GRAMD4: variants seen among roughly 807,000 people sequenced by gnomAD.
GRAMD4 encodes the protein GRAM domain containing 4.
GRAMD4 carries 25 observed loss-of-function variants against 83.9 expected under a neutral mutation model. That is an observed-to-expected ratio of 0.30 (90% CI 0.22 to 0.42). GRAMD4 has a LOEUF of 0.42. Ranked by LOEUF, GRAMD4 falls within the 10% of genes least tolerant of loss-of-function variation. The probability of loss-of-function intolerance (pLI) is 1.00; values close to 1 mark genes in which losing one functional copy is unlikely to be tolerated. For synonymous variants in GRAMD4, 336 were observed against 320.9 expected (o/e 1.05, Z -0.50); for missense variants, 593 against 788.7 (o/e 0.75, Z 2.97).
At chr22:46,590,398 G>A (rs2081195073) in intron 1 of GRAMD4, among the ~76,000 whole-genome samples, 1 of 152,222 alleles carries the variant, frequency 6.6e-6, no homozygotes, top group Non-Finnish European at 1.5e-5. Flanking sequence ...GCAGAGAGCT[G>A]AGAAGGTGCC....
rs140371738 is a variant in GRAMD4 at position 46,661,849 on chromosome 22, G to C, written c.466+407G>C. ...GTGGGCAGTGGGGCTATGGTTGGCT[G>C]TGAGTGGGGAGTTGGGGGTTCATGT... On this transcript the variant is annotated intron_variant, in intron 5 of 18. Transcript: ENST00000406902. Among the ~76,000 whole-genome samples the C allele has an allele frequency of 6.0e-4, 91 of 152,334 alleles. No individual in the cohort carries two copies. The East Asian group carries it at 0.015, about 25-fold the overall frequency.
At chr22:46,661,932 C>T (rs1318703068) in intron 5 of GRAMD4, among the ~76,000 whole-genome samples, 1 of 152,220 alleles carries the variant, frequency 6.6e-6, no homozygotes. Flanking sequence ...TATCTTGCCC[C>T]ACGCCCTGCA....
chr22:46,668,470 C>T (rs2082446232), intron 11 of GRAMD4, among the ~76,000 whole-genome samples: 1 of 152,120 alleles, frequency 6.6e-6, no homozygotes, highest in Non-Finnish European at 1.5e-5. Context: ...GTTGAACGCC[C>T]CTGGGAAGGA....
chr22:46,615,564 C>T (rs375514720), upstream of GRAMD4, among the ~76,000 whole-genome samples: 338 of 83,146 alleles, frequency 4.1e-3, 2 homozygotes, highest in African/African-American at 0.013. Context: ...TTCCCCTGTG[C>T]GTGTAGGTTC....
At chr22:46,648,791 G>C (rs952834789) in intron 3 of GRAMD4, among the ~76,000 whole-genome samples, 72 of 130,178 alleles carry the variant, frequency 5.5e-4, no homozygotes, top group African/African-American at 1.9e-3. Context: ...TGGATGGATG[G>C]ATGGATGGAT....
intron 1 of GRAMD4, among the ~76,000 whole-genome samples, chr22:46,584,208 G>C (rs1261732058): frequency 6.6e-6 from 1 of 152,106 alleles, no homozygotes; most frequent in Non-Finnish European, 1.5e-5. Flanking sequence ...CCTAGAGTCA[G>C]CCCCTTCTGC....
chr22:46,611,949 A>T (rs2081421203), intron 1 of GRAMD4, among the ~76,000 whole-genome samples: 2 of 138,638 alleles, frequency 1.4e-5, no homozygotes, highest in Middle Eastern at 4.1e-3. Flanking sequence ...GTGAGCCGAG[A>T]TTACACCACT....
chr22:46,619,865 C>CGCTCAACATCT (rs1370260540), upstream of GRAMD4, among the ~76,000 whole-genome samples: 2 of 152,184 alleles, frequency 1.3e-5, no homozygotes, highest in African/African-American at 4.8e-5. Flanking sequence ...GTGTCTGTGT[C>CGCTCAACATCT]GCTCAACATC....
chr22:46,623,800 T>TA (rs1364819955), intron 1 of GRAMD4, among the ~76,000 whole-genome samples: 5 of 148,982 alleles, frequency 3.4e-5, no homozygotes, highest in African/African-American at 1.2e-4. Flanking sequence ...TTTTTTTTTT[T>TA]AAACAGAGTC....
chr22:46,575,821 C>T (rs1189675492), upstream of GRAMD4, among the ~76,000 whole-genome samples: 1 of 152,340 alleles, frequency 6.6e-6, no homozygotes, highest in South Asian at 2.1e-4. Context: ...GATCCTTTAC[C>T]CTGAAATCAC....
rs1310637148 is a variant in GRAMD4, at chr22:46,672,829, TC to T, written c.1085-10del. The T allele has an allele frequency of 2.5e-6, 4 of 1,603,814 alleles. No homozygotes were observed. The highest frequency in any genetic ancestry group is 2.6e-6 in the Non-Finnish European group (3 of 1,172,504). The stretch of plus-strand genomic sequence containing the variant: ...AGAGCTCTAGATGGAGCAGGCTGTG[TC>T]CCCTGCCCTCAGGACTCTATGCTGG... On this transcript the variant is annotated splice_polypyrimidine_tract_variant and intron_variant, in intron 13 of 18. Coordinates refer to ENST00000406902, the MANE Select transcript of GRAMD4 (RefSeq NM_015124.5). This position sits in a 1 kb window ranked among gnomAD's most constrained non-coding sequence, Gnocchi z 4.7.
chr22:46,630,222 C>T (rs1029360906), intron 2 of GRAMD4, among the ~76,000 whole-genome samples: 2 of 152,074 alleles, frequency 1.3e-5, no homozygotes, highest in Non-Finnish European at 2.9e-5. Flanking sequence ...GACGGGGTTT[C>T]GCCGTGTTGC....
At chr22:46,591,597 G>A (rs1305156471) in intron 1 of GRAMD4, among the ~76,000 whole-genome samples, 1 of 152,148 alleles carries the variant, frequency 6.6e-6, no homozygotes, top group African/African-American at 2.4e-5. Context: ...CACTTTGGGA[G>A]GCTGAGGCAG....
chr22:46,677,734 G>A lies in GRAMD4; in HGVS notation c.*483G>A. The A allele has an allele frequency of 1.0e-6, 1 of 979,422 alleles. No individual in the cohort carries two copies. Among genetic ancestry groups the A allele is most frequent in the Non-Finnish European group, 1.2e-6 (1 of 827,694 alleles). 60.7% of individuals were successfully genotyped at this position (979,422 alleles called of 1,614,324 possible). On this transcript the variant is annotated 3_prime_UTR_variant, in exon 19 of 19. Transcript: ENST00000406902. ...AAGATGTCGTCAAGGAGGGACATGG[G>A]GGCCTTTCACCAACCACCGAGAAAC... is the stretch of plus-strand genomic sequence containing the variant.
intron 3 of GRAMD4, among the ~76,000 whole-genome samples, chr22:46,651,685 A>T (rs1331035058): frequency 3.3e-5 from 5 of 152,176 alleles, no homozygotes; most frequent in Admixed American, 2.6e-4. Flanking sequence ...GTGGCAGGTC[A>T]TGCATTTGTG....
intron 1 of GRAMD4, among the ~76,000 whole-genome samples, chr22:46,581,363 T>C (rs965887040): frequency 6.6e-6 from 1 of 152,192 alleles, no homozygotes; most frequent in African/African-American, 2.4e-5. Flanking sequence ...ATTTTACAGA[T>C]GAGGAAACTG....
intron 1 of GRAMD4, among the ~76,000 whole-genome samples, chr22:46,625,106 C>T (rs1601584865): frequency 1.3e-5 from 2 of 151,912 alleles, no homozygotes; most frequent in South Asian, 2.1e-4. Flanking sequence ...GTGATCCGCC[C>T]GCCTCGGCCT....
chr22:46,636,259 G>A (rs991410657), intron 2 of GRAMD4, among the ~76,000 whole-genome samples: 13 of 152,154 alleles, frequency 8.5e-5, no homozygotes, highest in East Asian at 1.9e-4. Flanking sequence ...CCTGGGCTCC[G>A]CTGGCCTCCC....
At chr22:46,648,196 A>AGATG (rs1456410583) in intron 3 of GRAMD4, among the ~76,000 whole-genome samples, 1 of 150,598 alleles carries the variant, frequency 6.6e-6, no homozygotes, top group South Asian at 2.1e-4. Flanking sequence ...GTGGACATGT[A>AGATG]GATGGATGGA....
Sources: allele counts gnomAD v4.1 joint callset (sites outside exome capture counted in the v4.1 genomes callset), GRCh38; gene constraint gnomAD v4.1.1; non-coding constraint Gnocchi (gnomAD v3.1); transcripts MANE v1.5; gene names NCBI Gene and HGNC (gene_info 2026-07-23, HGNC 2026-07-21).